The following FRY variants were observed in gnomAD, a reference collection of about 807,000 sequenced individuals.
FRY encodes the protein FRY microtubule binding protein, also known as protein furry homolog.
FRY carries 128 observed loss-of-function variants against 348.4 expected under a neutral mutation model. That is an observed-to-expected ratio of 0.37 (90% CI 0.32 to 0.43). FRY has a LOEUF of 0.43. Ranked by LOEUF, FRY falls within the 20% of genes least tolerant of loss-of-function variation. The pLI, the probability that FRY is intolerant of heterozygous loss-of-function variation, is 1.00. For synonymous variants in FRY, 1,370 were observed against 1,374.7 expected, an observed-to-expected ratio of 1.00 and a Z score of 0.08; for missense variants, 2,736 against 3,695.2, an observed-to-expected ratio of 0.74 and a Z score of 6.73.
At chr13:32,111,170 C>A (rs1377899943) in intron 3 of FRY, among the ~76,000 whole-genome samples, 1 of 152,116 alleles carries the variant, frequency 6.6e-6, no homozygotes, top group African/African-American at 2.4e-5. Flanking sequence ...GTGGCAAGGA[C>A]AGAAATCAGA....
intron 4 of FRY, among the ~76,000 whole-genome samples, chr13:32,119,679 A>G (rs984331549): frequency 6.6e-6 from 1 of 152,022 alleles, no homozygotes; most frequent in Non-Finnish European, 1.5e-5. Flanking sequence ...AATATAATGG[A>G]TATAAAGCCT....
intron 50 of FRY, among the ~76,000 whole-genome samples, chr13:32,252,686 C>T (rs1437317831): frequency 1.3e-5 from 2 of 151,994 alleles, no homozygotes; most frequent in East Asian, 1.9e-4. Context: ...ACACATTTCT[C>T]GGTGGAGCTA....
intron 26 of FRY, among the ~76,000 whole-genome samples, chr13:32,185,445 A>G (rs1882974710): frequency 6.6e-6 from 1 of 152,238 alleles, no homozygotes; most frequent in South Asian, 2.1e-4. Flanking sequence ...AGTAATTCAG[A>G]AGGAACATTC....
intron 57 of FRY, among the ~76,000 whole-genome samples, chr13:32,277,706 C>T (rs1466828309): frequency 6.6e-6 from 1 of 152,228 alleles, no homozygotes; most frequent in South Asian, 2.1e-4. Context: ...TTGATGTTAT[C>T]TTGACCTGCC....
intron 2 of FRY, among the ~76,000 whole-genome samples, chr13:32,099,365 TAC>T (rs1279536507): frequency 6.6e-6 from 1 of 151,352 alleles, no homozygotes; most frequent in African/African-American, 2.4e-5. Flanking sequence ...CACTAACACA[TAC>T]ACACACACAA....
intron 29 of FRY, among the ~76,000 whole-genome samples, chr13:32,197,748 C>A (rs1471055232): frequency 1.3e-5 from 2 of 152,212 alleles, no homozygotes; most frequent in African/African-American, 4.8e-5. Flanking sequence ...TCTTTCTCTT[C>A]AGAATACCTC....
At chr13:32,230,666 A>G (rs752653626) in intron 40 of FRY, among the ~76,000 whole-genome samples, 2 of 152,152 alleles carry the variant, frequency 1.3e-5, no homozygotes, top group East Asian at 1.9e-4. Context: ...TCCTTTGGGT[A>G]TATACTCGGT....
At chr13:32,181,688 C>T (rs1882723295) in intron 23 of FRY, among the ~76,000 whole-genome samples, 1 of 151,780 alleles carries the variant, frequency 6.6e-6, no homozygotes, top group Admixed American at 6.6e-5. Context: ...ATATATAGAC[C>T]TCTAAATACT....
At chr13:32,287,199 G>A (rs1889123290) in intron 58 of FRY, among the ~76,000 whole-genome samples, 1 of 151,456 alleles carries the variant, frequency 6.6e-6, no homozygotes, top group Admixed American at 6.6e-5. Flanking sequence ...GTCTATTGGA[G>A]AAAAAATTGT....
intron 55 of FRY, among the ~76,000 whole-genome samples, chr13:32,271,563 C>T (rs1473983592): frequency 2.6e-5 from 4 of 152,166 alleles, no homozygotes; most frequent in African/African-American, 7.2e-5. Flanking sequence ...AGTTCTGCAG[C>T]CCTGCCTGCA....
chr13:32,161,399 T>C (rs1013186420), intron 17 of FRY, 148 bp downstream of exon 17: 7 of 680,572 alleles, frequency 1.0e-5, no homozygotes, highest in African/African-American at 1.8e-5. Context: ...TTAAAAATTA[T>C]TTTTCCCATA....
At chr13:32,214,777 A>G (rs898445140) in intron 35 of FRY, among the ~76,000 whole-genome samples, 9 of 152,312 alleles carry the variant, frequency 5.9e-5, no homozygotes, top group South Asian at 4.1e-4. Context: ...GAGCCTACAG[A>G]GACAGTGTTG....
At chr13:32,189,759 A>G (rs1416484169) in intron 28 of FRY, among the ~76,000 whole-genome samples, 1 of 152,122 alleles carries the variant, frequency 6.6e-6, no homozygotes, top group Non-Finnish European at 1.5e-5. Flanking sequence ...AAGAGAAAAC[A>G]GATGAAGAGG....
At chr13:32,154,123 A>G (rs1192048108) in intron 14 of FRY, among the ~76,000 whole-genome samples, 1 of 152,176 alleles carries the variant, frequency 6.6e-6, no homozygotes, top group Non-Finnish European at 1.5e-5. Context: ...TTAGTACTAC[A>G]TCTGCTGAAT....
intron 29 of FRY, among the ~76,000 whole-genome samples, chr13:32,200,091 A>G (rs1021173304): frequency 8.6e-5 from 13 of 151,922 alleles, no homozygotes; most frequent in African/African-American, 2.9e-4. Flanking sequence ...TACTGGCCCC[A>G]CTCCTATGAT....
At chr13:32,238,656 C>T (rs982324315) in intron 44 of FRY, among the ~76,000 whole-genome samples, 2 of 151,914 alleles carry the variant, frequency 1.3e-5, no homozygotes, top group East Asian at 1.9e-4. Flanking sequence ...TTCACCATGT[C>T]GGCCAGGATG....
intron 1 of FRY, among the ~76,000 whole-genome samples, chr13:32,039,579 T>TA: frequency 6.6e-6 from 1 of 152,182 alleles, no homozygotes. Flanking sequence ...CCTATATTCT[T>TA]ACACTTTTCT....
intron 4 of FRY, among the ~76,000 whole-genome samples, chr13:32,121,253 G>C (rs551185126): frequency 6.6e-6 from 1 of 152,222 alleles, no homozygotes; most frequent in African/African-American, 2.4e-5. Context: ...TATCTTTTTC[G>C]AATAATGACT....
chr13:32,238,202 A>C (rs1886315165), intron 44 of FRY, among the ~76,000 whole-genome samples: 1 of 152,236 alleles, frequency 6.6e-6, no homozygotes, highest in Non-Finnish European at 1.5e-5. Context: ...AAAAGGGGCC[A>C]AAATTATTTT....
Sources: gnomAD v4.1 joint callset for allele counts (sites outside exome capture counted in the v4.1 genomes callset) on GRCh38, gnomAD v4.1.1 for gene constraint, MANE v1.5 for transcripts, NCBI Gene and HGNC (gene_info 2026-07-23, HGNC 2026-07-21) for gene names.